Variants in DLG2 observed in about 807,000 individuals in gnomAD.
DLG2 encodes the protein discs large MAGUK scaffold protein 2.
In DLG2, 45 loss-of-function variants were observed where a neutral mutation model predicts 132.5. The ratio of observed to expected loss-of-function variants is 0.34; its 90% CI spans 0.27 to 0.44. The LOEUF (loss-of-function observed/expected upper bound fraction) is 0.44. DLG2 is among the 20% of genes least tolerant of loss of function. The probability of loss-of-function intolerance (pLI) is 1.00; values close to 1 mark genes in which losing one functional copy is unlikely to be tolerated. For synonymous variants in DLG2, 424 were observed against 419.6 expected (o/e 1.01, Z -0.13); for missense variants, 1,045 against 1,196.9 (o/e 0.87, Z 1.87).
At chr11:83,803,744 G>T (rs1053793908) in intron 17 of DLG2, among the ~76,000 whole-genome samples, 3 of 151,978 alleles carry the variant, frequency 2.0e-5, no homozygotes, top group African/African-American at 7.3e-5. Context: ...AATTAATCTT[G>T]TTCATAAGCT....
intron 6 of DLG2, among the ~76,000 whole-genome samples, chr11:84,868,413 C>A (rs1165211083): frequency 6.6e-6 from 1 of 152,060 alleles, no homozygotes; most frequent in Non-Finnish European, 1.5e-5. Context: ...TTCATTGCTT[C>A]AAGTAAGAGA....
At chr11:83,657,775 C>T (rs552171173) in intron 18 of DLG2, among the ~76,000 whole-genome samples, 3 of 152,134 alleles carry the variant, frequency 2.0e-5, no homozygotes, top group South Asian at 2.1e-4. Flanking sequence ...CTCCTGACCT[C>T]GTGATCCGCC....
At chr11:85,132,905 C>G (rs977058908) in intron 5 of DLG2, 4 of 453,194 alleles carry the variant, frequency 8.8e-6, no homozygotes, top group Non-Finnish European at 1.8e-5. Context: ...AGCTTGGATT[C>G]TGTACAGACG....
At chr11:84,646,075 T>G (rs969227289) in intron 6 of DLG2, among the ~76,000 whole-genome samples, 3 of 152,086 alleles carry the variant, frequency 2.0e-5, no homozygotes, top group Non-Finnish European at 4.4e-5. Flanking sequence ...GTTTGTCTGT[T>G]TTTAGTTTTC....
At chr11:85,487,764 T>C (rs2093462987) in intron 3 of DLG2, among the ~76,000 whole-genome samples, 1 of 152,068 alleles carries the variant, frequency 6.6e-6, no homozygotes, top group African/African-American at 2.4e-5. Flanking sequence ...TAGATGAAAA[T>C]TTCCCAAGTC....
intron 7 of DLG2, among the ~76,000 whole-genome samples, chr11:84,482,506 C>T (rs968503708): frequency 2.0e-5 from 3 of 152,156 alleles, no homozygotes; most frequent in Non-Finnish European, 2.9e-5. Flanking sequence ...GAGCAAGCTC[C>T]TTAACTTTGT....
intron 3 of DLG2, among the ~76,000 whole-genome samples, chr11:85,563,918 A>G (rs543347787): frequency 4.6e-5 from 7 of 152,140 alleles, no homozygotes; most frequent in Admixed American, 6.6e-5. Flanking sequence ...GTACCATTGT[A>G]CATTCCCACC....
At chr11:84,321,683 C>T (rs1405295204) in intron 7 of DLG2, among the ~76,000 whole-genome samples, 2 of 152,250 alleles carry the variant, frequency 1.3e-5, no homozygotes, top group Non-Finnish European at 2.9e-5. Flanking sequence ...CCCCCAAAGC[C>T]ACCGTAAATA....
intron 26 of DLG2, among the ~76,000 whole-genome samples, chr11:83,466,424 C>A (rs113722848): frequency 6.6e-6 from 1 of 152,002 alleles, no homozygotes; most frequent in Non-Finnish European, 1.5e-5. Context: ...ACAAAGAAAA[C>A]AATCCGTGAA....
At chr11:85,459,823 C>G (rs1032304698) in intron 3 of DLG2, among the ~76,000 whole-genome samples, 2 of 152,134 alleles carry the variant, frequency 1.3e-5, no homozygotes, top group African/African-American at 4.8e-5. Context: ...CAGGTTGAAG[C>G]AAGTTAGCTG....
chr11:84,550,573 T>C (rs1451827204), intron 6 of DLG2, among the ~76,000 whole-genome samples: 2 of 152,182 alleles, frequency 1.3e-5, no homozygotes, highest in Non-Finnish European at 2.9e-5. Flanking sequence ...GCCTTCCCAT[T>C]ATATTTGACT....
At chr11:83,906,053 GTCTCTCTC>G (rs57799505) in intron 15 of DLG2, among the ~76,000 whole-genome samples, 8,042 of 128,716 alleles carry the variant, frequency 0.062, 278 homozygotes, top group East Asian at 0.11. Flanking sequence ...CTGTCTGTCT[GTCTCTCTC>G]TCTCTCTCTC....
At chr11:83,530,468 T>A (rs558549161) in intron 21 of DLG2, among the ~76,000 whole-genome samples, 12 of 152,038 alleles carry the variant, frequency 7.9e-5, no homozygotes, top group African/African-American at 2.6e-4. Context: ...TGATTCTGTA[T>A]GATATTCACA....
intron 6 of DLG2, among the ~76,000 whole-genome samples, chr11:84,771,259 C>A (rs2069335724): frequency 6.6e-6 from 1 of 152,198 alleles, no homozygotes; most frequent in Non-Finnish European, 1.5e-5. Context: ...GTTCCCTTTT[C>A]TCTACAACCT....
chr11:84,303,544 A>T (rs2098180313), intron 7 of DLG2, among the ~76,000 whole-genome samples: 1 of 152,230 alleles, frequency 6.6e-6, no homozygotes, highest in Non-Finnish European at 1.5e-5. Context: ...CCTTACAGAG[A>T]ACAACTGACT....
intron 3 of DLG2, among the ~76,000 whole-genome samples, chr11:85,417,929 CTA>C (rs902494030): frequency 2.8e-4 from 43 of 152,184 alleles, no homozygotes; most frequent in African/African-American, 1.0e-3. Flanking sequence ...TTTAATGTCT[CTA>C]TCTCTTTCAG....
At chr11:85,189,801 A>AT (rs200410504) in intron 4 of DLG2, among the ~76,000 whole-genome samples, 3,617 of 150,322 alleles carry the variant, frequency 0.024, 73 homozygotes, top group Admixed American at 0.057. Flanking sequence ...CAATGAATGT[A>AT]TTTTTTTTTT....
Position 85,340,277 on chromosome 11 carries a change from G to A in DLG2, c.41-54912C>T, listed in dbSNP as rs186737373. Among the ~76,000 whole-genome samples, 286 of 152,232 alleles carry A rather than the reference G, an allele frequency of 1.9e-3. 1 individual carries two copies. Among genetic ancestry groups the A allele is most frequent in the African/African-American group, 6.3e-3 (260 of 41,524 alleles). ...ATGATAGACTAAATTAAGAAAATGTGGCACATATACACCATGGAGTACTAT... is the reference window on the plus strand; with the variant it reads ...ATGATAGACTAAATTAAGAAAATGTAGCACATATACACCATGGAGTACTAT... On this transcript the variant is annotated intron_variant, in intron 3 of 27. Transcript: ENST00000376104.
intron 3 of DLG2, among the ~76,000 whole-genome samples, chr11:85,420,607 C>A (rs1231453997): frequency 1.3e-5 from 2 of 152,224 alleles, no homozygotes; most frequent in African/African-American, 4.8e-5. Context: ...TGGCTGCTGC[C>A]TTTCTTTCAG....
Sources: allele counts gnomAD v4.1 joint callset (sites outside exome capture counted in the v4.1 genomes callset), GRCh38; gene constraint gnomAD v4.1.1; transcripts MANE v1.5; gene names NCBI Gene and HGNC (gene_info 2026-07-23, HGNC 2026-07-21).